Variants in ANKRD55 observed in about 807,000 individuals in gnomAD.
The protein encoded by ANKRD55 is ankyrin repeat domain 55.
ANKRD55 carries 41 observed loss-of-function variants against 60.6 expected under a neutral mutation model. The observed-to-expected ratio is 0.68, with a 90% CI of 0.53 to 0.88. The LOEUF is 0.88. Ranked by LOEUF, ANKRD55 falls within the 40% of genes least tolerant of loss-of-function variation. The pLI is 0.00. For missense variants in ANKRD55, 732 were observed against 767.6 expected (o/e 0.95, Z 0.55); for synonymous variants, 264 against 290.3 (o/e 0.91, Z 0.92).
Position 56,166,158 on chromosome 5 carries a change from T to TTTCTTCTTTCTTTCCTTCCTTCC in ANKRD55, c.422+4535_422+4536insGGAAGGAAGGAAAGAAAGAAGAA, listed in dbSNP as rs1554040812. Among the ~76,000 whole-genome samples the TTTCTTCTTTCTTTCCTTCCTTCC allele has an allele frequency of 4.1e-5, 3 of 72,436 alleles. No homozygotes were observed. The Admixed American group carries it at 4.4e-4, about 11-fold the overall frequency. 47.5% of individuals were successfully genotyped at this position (72,436 alleles called of 152,430 possible). On this transcript the variant is annotated intron_variant, in intron 5 of 11. Coordinates refer to ENST00000341048, the MANE Select transcript of ANKRD55 (RefSeq NM_024669.3). ...TCTTTCTTTCTTTCTTTCTTTCTTC[T>TTTCTTCTTTCTTTCCTTCCTTCC]TTCCTTCCTTCCTTCCTTCCTTCCT...
At chr5:56,205,673 G>A (rs929224174) in intron 2 of ANKRD55, among the ~76,000 whole-genome samples, 3 of 152,104 alleles carry the variant, frequency 2.0e-5, no homozygotes, top group Non-Finnish European at 4.4e-5. Context: ...ATTTGGAGAA[G>A]GGGGTCTTCC....
chr5:56,160,611 C>T (rs977534679), intron 5 of ANKRD55, among the ~76,000 whole-genome samples: 16 of 152,282 alleles, frequency 1.1e-4, no homozygotes, highest in Admixed American at 6.5e-5. Flanking sequence ...AGAGTGCTTT[C>T]GACCTGCTTC....
chr5:56,112,182 G>T (rs1756730558), intron 9 of ANKRD55, among the ~76,000 whole-genome samples: 1 of 152,076 alleles, frequency 6.6e-6, no homozygotes, highest in Non-Finnish European at 1.5e-5. Context: ...GAAGCCTAAG[G>T]GTTTGAGTTC....
chr5:56,117,742 A>G (rs758821632), intron 8 of ANKRD55, among the ~76,000 whole-genome samples: 1 of 152,288 alleles, frequency 6.6e-6, no homozygotes, highest in Non-Finnish European at 1.5e-5. Flanking sequence ...GTGAGCCACC[A>G]TGCCTGGCTG....
intron 2 of ANKRD55, among the ~76,000 whole-genome samples, chr5:56,221,713 T>G (rs160007): frequency 6.6e-6 from 1 of 152,098 alleles, no homozygotes; most frequent in African/African-American, 2.4e-5. Flanking sequence ...GTGCCTAGCT[T>G]GGAGGGTCCC....
At chr5:56,227,037 AT>A (rs1416332124) in intron 2 of ANKRD55, among the ~76,000 whole-genome samples, 1 of 130,298 alleles carries the variant, frequency 7.7e-6, no homozygotes, top group Admixed American at 7.6e-5. Context: ...ACACATGCAC[AT>A]GTATGTTTAT....
At chr5:56,106,651 C>A (rs763666562) in intron 10 of ANKRD55, among the ~76,000 whole-genome samples, 1 of 151,910 alleles carries the variant, frequency 6.6e-6, no homozygotes, top group African/African-American at 2.4e-5. Context: ...AGGCTGGTCT[C>A]GAACTCCTGA....
intron 10 of ANKRD55, among the ~76,000 whole-genome samples, chr5:56,109,218 C>A (rs997601239): frequency 6.6e-6 from 1 of 152,054 alleles, no homozygotes; most frequent in Non-Finnish European, 1.5e-5. Flanking sequence ...GTTTATAAAG[C>A]CTGTCTGACA....
intron 2 of ANKRD55, among the ~76,000 whole-genome samples, chr5:56,221,721 C>G (rs1759970950): frequency 6.6e-6 from 1 of 152,240 alleles, no homozygotes; most frequent in African/African-American, 2.4e-5. Flanking sequence ...CTTGGAGGGT[C>G]CCATGCCCAC....
chr5:56,195,987 G>C (rs1759219327), intron 2 of ANKRD55, among the ~76,000 whole-genome samples: 1 of 152,076 alleles, frequency 6.6e-6, no homozygotes, highest in Non-Finnish European at 1.5e-5. Flanking sequence ...TGTGTTACTT[G>C]ACTAGAAGTA....
At chr5:56,171,961 T>G (rs563019204) in intron 4 of ANKRD55, among the ~76,000 whole-genome samples, 1 of 151,468 alleles carries the variant, frequency 6.6e-6, no homozygotes, top group Non-Finnish European at 1.5e-5. Flanking sequence ...CTACCAAAAA[T>G]ACAAAAAATT....
At chr5:56,120,899 C>CAAAAA (rs34532327) in intron 8 of ANKRD55, among the ~76,000 whole-genome samples, 4 of 81,152 alleles carry the variant, frequency 4.9e-5, no homozygotes, top group African/African-American at 1.9e-4. Flanking sequence ...GACTCCGTCT[C>CAAAAA]AAAAAAAAAA....
chr5:56,176,205 T>A lies in ANKRD55; in HGVS notation c.259A>T (p.Ile87Phe). Residue 87 changes from isoleucine to phenylalanine, a missense_variant, in exon 4 of 12, where the codon ATT becomes TTT. Ile to Phe is a conservative substitution (Grantham distance 21, BLOSUM62 0). Around this residue, in one of 3 missense-constraint regions of ANKRD55, gnomAD observed 131 missense variants for 142.7 expected, o/e 0.92. Transcript: ENST00000341048. ...CGGCCATAAGCATCCTGCATGTTAA[T>A]ATTGGCTCCCATCTTCAACAGCAGC... ...VKLLLKMGAN[I>F]NMQDAYGRTS... 6.2e-7 allele frequency: 1 copy of A among 1,614,208 alleles called. No homozygotes were observed. The highest frequency in any genetic ancestry group is 8.5e-7 in the Non-Finnish European group (1 of 1,180,040).
intron 2 of ANKRD55, among the ~76,000 whole-genome samples, chr5:56,203,892 A>G (rs1759439086): frequency 6.6e-6 from 1 of 152,068 alleles, no homozygotes; most frequent in South Asian, 2.1e-4. Flanking sequence ...CTAGTTCTAG[A>G]TCCCTGAGGA....
intron 6 of ANKRD55, among the ~76,000 whole-genome samples, chr5:56,144,660 G>T (rs1757853708): frequency 6.6e-6 from 1 of 152,208 alleles, no homozygotes; most frequent in Non-Finnish European, 1.5e-5. Context: ...AGCAGGTACT[G>T]GCATGATCAG....
intron 5 of ANKRD55, among the ~76,000 whole-genome samples, chr5:56,163,921 G>A (rs541278365): frequency 8.7e-4 from 132 of 152,038 alleles, no homozygotes; most frequent in Non-Finnish European, 1.7e-3. Flanking sequence ...GTGAAACCCC[G>A]TCTGTAATAG....
chr5:56,121,476 G>A (rs1041364592), intron 8 of ANKRD55, among the ~76,000 whole-genome samples: 5 of 150,160 alleles, frequency 3.3e-5, no homozygotes, highest in South Asian at 4.2e-4. Flanking sequence ...GGGTTCAAGC[G>A]ATTCTCCTGC....
intron 3 of ANKRD55, 103 bp downstream of exon 3, chr5:56,183,409 A>G (rs1277756859): frequency 4.1e-6 from 6 of 1,450,640 alleles, no homozygotes. Context: ...CAGTATCAAA[A>G]TGGCTGGTCA....
At chr5:56,123,218 G>A (rs1362054632) in intron 8 of ANKRD55, among the ~76,000 whole-genome samples, 2 of 152,090 alleles carry the variant, frequency 1.3e-5, no homozygotes, top group Non-Finnish European at 2.9e-5. Context: ...TTCTGAGAGG[G>A]CCAGGTGGTC....
Sources: allele counts gnomAD v4.1 joint callset (sites outside exome capture counted in the v4.1 genomes callset), GRCh38; gene constraint gnomAD v4.1.1; regional missense constraint gnomAD v4.1.1; transcripts MANE v1.5; gene names NCBI Gene and HGNC (gene_info 2026-07-23, HGNC 2026-07-21).